Variants in DCC observed in about 807,000 individuals in gnomAD.
DCC encodes netrin receptor DCC.
In DCC, 58 loss-of-function variants were observed where a neutral mutation model predicts 172.5. That is an observed-to-expected ratio of 0.34 (90% CI 0.27 to 0.42). DCC has a LOEUF of 0.42. Among genes scored for constraint, DCC ranks in the 10% least tolerant of loss-of-function variants. DCC has a pLI of 1.00. For synonymous variants in DCC, 709 were observed against 644.5 expected (o/e 1.10, Z -1.52); for missense variants, 1,740 against 1,791.0 (o/e 0.97, Z 0.51).
At position 53,372,836 on chromosome 18, in the gene DCC, C is replaced by G. The variant is rs180673926; in HGVS notation, c.2360-13207C>G. ...CCTGAAATAATTCTGTACTTCTGGG[C>G]CTTGATCCTCAGAACTCTGTAATAC... On this transcript the variant is annotated intron_variant, in intron 15 of 28. Transcript: ENST00000442544. Among the ~76,000 whole-genome samples, 7 of 152,154 alleles carry G rather than the reference C, an allele frequency of 4.6e-5. No individual in the cohort carries two copies. In the East Asian group the frequency reaches 1.2e-3, roughly 25 times the overall value.
intron 1 of DCC, among the ~76,000 whole-genome samples, chr18:52,392,974 C>G (rs1044595874): frequency 6.6e-6 from 1 of 152,042 alleles, no homozygotes; most frequent in Non-Finnish European, 1.5e-5. Context: ...GCAATGGAAG[C>G]TGTTTACCTT....
intron 1 of DCC, among the ~76,000 whole-genome samples, chr18:52,696,847 A>G (rs1279865080): frequency 6.6e-6 from 1 of 151,992 alleles, no homozygotes; most frequent in Non-Finnish European, 1.5e-5. Context: ...GACTGGATGG[A>G]TCCACAGTTG....
At chr18:53,511,613 C>T (rs950779898) in intron 27 of DCC, among the ~76,000 whole-genome samples, 44 of 152,202 alleles carry the variant, frequency 2.9e-4, no homozygotes, top group African/African-American at 5.8e-4. Context: ...ACACCGTGCG[C>T]GAGCCAAAGC....
chr18:52,903,230 G>A (rs183250341), intron 2 of DCC, among the ~76,000 whole-genome samples: 1 of 152,054 alleles, frequency 6.6e-6, no homozygotes, highest in South Asian at 2.1e-4. Flanking sequence ...TTTTGAGACA[G>A]GTTCTCACTC....
At chr18:53,519,080 A>C (rs2046370865) in intron 27 of DCC, among the ~76,000 whole-genome samples, 1 of 152,152 alleles carries the variant, frequency 6.6e-6, no homozygotes, top group Non-Finnish European at 1.5e-5. Context: ...AATTCTTCCT[A>C]AGTCTTAAGG....
At position 53,179,016 on chromosome 18, in the gene DCC, C is replaced by A; in HGVS notation, c.1473C>A (p.Asn491Lys). ...QPGSLQLTVG[N>K]LKPEAMYTFR... is the part of the protein sequence containing the mutation. ...GGTCCCTTCAGCTCACTGTGGGAAACCTGAAGCCAGAAGCCATGTACACCT... is the reference window on the plus strand; with the variant it reads ...GGTCCCTTCAGCTCACTGTGGGAAAACTGAAGCCAGAAGCCATGTACACCT... Residue 491 changes from asparagine to lysine, a missense_variant, in exon 9 of 29, where the codon AAC becomes AAA. Coordinates refer to ENST00000442544, the MANE Select transcript of DCC (RefSeq NM_005215.4). 1 of 1,614,048 alleles carries A rather than the reference C, an allele frequency of 6.2e-7. No homozygotes were observed. The highest frequency in any genetic ancestry group is 8.5e-7 in the Non-Finnish European group (1 of 1,179,956).
chr18:52,897,135 A>G (rs1248510685), intron 2 of DCC, among the ~76,000 whole-genome samples: 9 of 152,184 alleles, frequency 5.9e-5, no homozygotes, highest in Admixed American at 5.2e-4. Context: ...GGAGTCCCCA[A>G]ATGGCCGTCT....
intron 2 of DCC, among the ~76,000 whole-genome samples, chr18:52,754,889 G>T (rs1426878321): frequency 6.6e-6 from 1 of 152,324 alleles, no homozygotes; most frequent in East Asian, 1.9e-4. Context: ...AGGTGCAGAT[G>T]CAGAAAACCC....
At chr18:53,527,859 A>C (rs2046477178) in intron 28 of DCC, among the ~76,000 whole-genome samples, 1 of 152,012 alleles carries the variant, frequency 6.6e-6, no homozygotes, top group African/African-American at 2.4e-5. Flanking sequence ...TATCTTGAAA[A>C]ATCAGGGCAC....
intron 7 of DCC, among the ~76,000 whole-genome samples, chr18:53,109,843 T>C (rs1244631413): frequency 6.6e-6 from 1 of 151,674 alleles, no homozygotes; most frequent in African/African-American, 2.4e-5. Flanking sequence ...AGTTTTCTGG[T>C]CTACCATTAC....
chr18:52,850,112 G>C (rs763873951), intron 2 of DCC, among the ~76,000 whole-genome samples: 2 of 152,138 alleles, frequency 1.3e-5, no homozygotes, highest in Non-Finnish European at 2.9e-5. Flanking sequence ...AGGCTGTTAA[G>C]CTACAGATTT....
At chr18:52,498,346 A>G (rs2030881582) in intron 1 of DCC, among the ~76,000 whole-genome samples, 1 of 152,140 alleles carries the variant, frequency 6.6e-6, no homozygotes, top group Non-Finnish European at 1.5e-5. Context: ...GATACTGGCC[A>G]GGCACAGTGG....
intron 5 of DCC, among the ~76,000 whole-genome samples, chr18:52,962,766 T>C (rs1223432767): frequency 6.6e-6 from 1 of 152,132 alleles, no homozygotes; most frequent in African/African-American, 2.4e-5. Context: ...CATGGAATAC[T>C]ATGCAGCCAT....
chr18:52,834,722 G>C (rs542119442), intron 2 of DCC, among the ~76,000 whole-genome samples: 18 of 152,140 alleles, frequency 1.2e-4, no homozygotes, highest in African/African-American at 4.3e-4. Flanking sequence ...AATTAGAAAA[G>C]AAATATGTTT....
intron 12 of DCC, among the ~76,000 whole-genome samples, chr18:53,288,494 G>T (rs1406054718): frequency 6.6e-6 from 1 of 151,930 alleles, no homozygotes; most frequent in Non-Finnish European, 1.5e-5. Flanking sequence ...TTATTAATTG[G>T]CTTTAATCTC....
chr18:53,405,183 TA>T (rs1191311895), intron 19 of DCC, among the ~76,000 whole-genome samples: 1 of 101,762 alleles, frequency 9.8e-6, no homozygotes, highest in Non-Finnish European at 2.3e-5. Flanking sequence ...CAATTAATAA[TA>T]AAAAGTAAAA....
chr18:52,482,295 A>G (rs1434868757), intron 1 of DCC, among the ~76,000 whole-genome samples: 1 of 152,186 alleles, frequency 6.6e-6, no homozygotes, highest in African/African-American at 2.4e-5. Flanking sequence ...GTATTTGCTT[A>G]ATTACCTAAG....
chr18:52,841,393 T>C (rs979054238), intron 2 of DCC, among the ~76,000 whole-genome samples: 1 of 152,154 alleles, frequency 6.6e-6, no homozygotes, highest in Non-Finnish European at 1.5e-5. Context: ...ACATTGACCT[T>C]GAACTTGCAG....
At chr18:52,905,752 C>T (rs1598916102) in intron 2 of DCC, among the ~76,000 whole-genome samples, 1 of 152,250 alleles carries the variant, frequency 6.6e-6, no homozygotes, top group East Asian at 1.9e-4. Context: ...ATTTCCTTAT[C>T]TATAAAATTA....
Sources: gnomAD v4.1 joint callset for allele counts (sites outside exome capture counted in the v4.1 genomes callset) on GRCh38, gnomAD v4.1.1 for gene constraint, MANE v1.5 for transcripts, NCBI Gene and HGNC (gene_info 2026-07-23, HGNC 2026-07-21) for gene names.